RNASE11: variants seen among roughly 807,000 people sequenced by gnomAD.
RNASE11 encodes the protein ribonuclease A family member 11 (inactive).
For synonymous variants in RNASE11, 105 were observed against 86.1 expected (o/e 1.22, Z -1.21); for missense variants, 252 against 237.8 (o/e 1.06, Z -0.39).
upstream of RNASE11, among the ~76,000 whole-genome samples, chr14:20,589,417 C>T (rs1336984832): frequency 6.6e-6 from 1 of 151,798 alleles, no homozygotes; most frequent in Non-Finnish European, 1.5e-5. Flanking sequence ...CCACGCCCGG[C>T]TAATTTTTTG....
chr14:20,587,444 G>T, intron 1 of RNASE11, 119 bp downstream of exon 2: 1 of 359,360 alleles, frequency 2.8e-6, no homozygotes, highest in Non-Finnish European at 3.9e-6. Context: ...ATAGAAAAAG[G>T]AATCAGAATT....
chr14:20,585,402 G>A (rs538110465), intron 1 of RNASE11, among the ~76,000 whole-genome samples: 1 of 152,232 alleles, frequency 6.6e-6, no homozygotes, highest in South Asian at 2.1e-4. Flanking sequence ...CATTTTTCCA[G>A]TTAGTCAATT....
At chr14:20,587,817 T>C, upstream of RNASE11, 2 of 985,494 alleles carry the variant, frequency 2.0e-6, no homozygotes, top group Non-Finnish European at 2.4e-6. Context: ...GCATGGAACT[T>C]GATGGTTACA....
chr14:20,590,182 A>C, upstream of RNASE11: 1 of 1,524,452 alleles, frequency 6.6e-7, no homozygotes, highest in South Asian at 1.3e-5. Flanking sequence ...CTTCCGCTCA[A>C]GGCATTGCCC....
Position 20,585,417 on chromosome 14 carries a change from T to A in RNASE11, c.-22-921A>T, listed in dbSNP as rs1169691285. ...CATTTTTCCAGTTAGTCAATTCATGTTAATCTTTTCTCCCTCTTGTTAGGC... is the reference window on the plus strand; with the variant it reads ...CATTTTTCCAGTTAGTCAATTCATGATAATCTTTTCTCCCTCTTGTTAGGC... On this transcript the variant is annotated intron_variant, in intron 1 of 1. Coordinates refer to ENST00000553849, the Ensembl canonical transcript of RNASE11. Among the ~76,000 whole-genome samples, 3 of 152,346 alleles carry A rather than the reference T, an allele frequency of 2.0e-5. No homozygotes were observed. The East Asian group carries it at 5.8e-4, about 29-fold the overall frequency.
rs577137847 is a variant in RNASE11, at chr14:20,585,595, C to T, written c.-22-1099G>A. Among the ~76,000 whole-genome samples the T allele has an allele frequency of 2.6e-5, 4 of 152,272 alleles. No homozygotes were observed. In the East Asian group the frequency reaches 5.8e-4, roughly 22 times the overall value. On this transcript the variant is annotated intron_variant, in intron 1 of 1. Coordinates refer to ENST00000553849, the Ensembl canonical transcript of RNASE11. ...TATCCACAATTTTGCATTCTTCACT[C>T]CTCCAGTTAGTATAAATAATCAAGA...
upstream of RNASE11, chr14:20,590,245 GA>G: frequency 6.2e-7 from 1 of 1,604,062 alleles, no homozygotes; most frequent in Non-Finnish European, 8.5e-7. Context: ...ATGCCATTGA[GA>G]GAAGAGATCT....
chr14:20,587,377 G>A (rs1390867788), intron 1 of RNASE11, among the ~76,000 whole-genome samples, 186 bp downstream of exon 2: 1 of 152,158 alleles, frequency 6.6e-6, no homozygotes, highest in Admixed American at 6.5e-5. Flanking sequence ...CTTCGGTGAA[G>A]AAGGGGAGAA....
chr14:20,585,620 A>T (rs1306338633), intron 1 of RNASE11, among the ~76,000 whole-genome samples: 2 of 152,232 alleles, frequency 1.3e-5, no homozygotes, highest in Admixed American at 6.5e-5. Flanking sequence ...AATAATCAAG[A>T]GTTTACTATA....
exon 2 of RNASE11, chr14:20,583,863 G>T (rs1428287631): frequency 4.4e-6 from 7 of 1,595,414 alleles, no homozygotes; most frequent in Non-Finnish European, 6.0e-6. Context: ...TAGTCCTAAA[G>T]CTCTGTGGGA....
exon 2 of RNASE11, chr14:20,584,041 A>C (rs1186667377): frequency 1.2e-6 from 2 of 1,614,088 alleles, no homozygotes; most frequent in Non-Finnish European, 1.7e-6. Flanking sequence ...ACAGCAGCTT[A>C]TGCCAGGATT....
At chr14:20,587,266 G>T (rs1467938995) in intron 1 of RNASE11, among the ~76,000 whole-genome samples, 1 of 152,240 alleles carries the variant, frequency 6.6e-6, no homozygotes, top group South Asian at 2.1e-4. Flanking sequence ...TTTGAATTTG[G>T]TGTTGATCCC....
At position 20,584,292 on chromosome 14, in the gene RNASE11, AT is replaced by A; in HGVS notation, c.182del (p.Asn61IlefsTer16). On this transcript the variant is annotated frameshift_variant, in exon 2 of 2. Coordinates refer to ENST00000553849, the Ensembl canonical transcript of RNASE11. LOFTEE classifies it low-confidence loss of function (END_TRUNC). ...CATCCTTGGACATGCTGAGGCTGGT[AT>A]TTTTAACTAACAGGATCGGGTTCAT... The A allele has an allele frequency of 6.2e-7, 1 of 1,614,130 alleles. No homozygotes were observed. The highest frequency in any genetic ancestry group is 8.5e-7 in the Non-Finnish European group (1 of 1,180,008).
chr14:20,589,034 G>A (rs575143397), upstream of RNASE11, among the ~76,000 whole-genome samples: 74 of 152,266 alleles, frequency 4.9e-4, no homozygotes, highest in African/African-American at 1.8e-3. Flanking sequence ...TGTTCCACCT[G>A]CCTCAGCCTC....
exon 2 of RNASE11, chr14:20,584,481 T>G: frequency 6.3e-7 from 1 of 1,574,822 alleles, no homozygotes; most frequent in Non-Finnish European, 8.6e-7. Context: ...CCATCTCAGA[T>G]GTAGTGTAAT....
downstream of RNASE11, chr14:20,583,379 G>A (rs1247932595): frequency 6.5e-6 from 1 of 154,628 alleles, no homozygotes; most frequent in Non-Finnish European, 1.4e-5. Flanking sequence ...GGCATTTCCT[G>A]AAGGACAGGC....
rs540999330 is a variant in RNASE11 at position 20,587,527 on chromosome 14, C to T, written c.-23+36G>A. On this transcript the variant is annotated intron_variant, in intron 1 of 1. Coordinates refer to ENST00000553849, the Ensembl canonical transcript of RNASE11. The stretch of plus-strand genomic sequence containing the variant: ...AGTTTTGCCCAAAAAATGATGCTAC[C>T]AAGGCCCAACAAATCATGTGCTAGG... 44 of 980,860 alleles carry T rather than the reference C, an allele frequency of 4.5e-5. No homozygotes were observed. The Admixed American group carries it at 2.2e-3, about 49-fold the overall frequency. 60.8% of individuals were successfully genotyped at this position (980,860 alleles called of 1,614,324 possible). A position where few individuals can be genotyped will look rare whatever the true frequency, so the allele number is the denominator to read the frequency against.
rs1566561830 is a variant in RNASE11, at chr14:20,584,202, C to CG, written c.272dup (p.Asn93Ter). The CG allele has an allele frequency of 2.5e-6, 4 of 1,614,162 alleles. No individual in the cohort carries two copies. The South Asian group carries it at 4.4e-5, about 18-fold the overall frequency. On this transcript the variant is annotated frameshift_variant, in exon 2 of 2. Transcript: ENST00000553849. LOFTEE classifies it low-confidence loss of function (END_TRUNC). ...CATTGCAACACTCTTTGTCATTACC[C>CG]GAACTGTTTCCCTTGGGGTCATTAT...
chr14:20,584,101 G>C (rs776655516), exon 2 of RNASE11: 2 of 1,614,032 alleles, frequency 1.2e-6, no homozygotes, highest in Admixed American at 1.7e-5. Flanking sequence ...CATCACTTCT[G>C]TGGAGCTGCG....
Sources: gnomAD v4.1 joint callset for allele counts (sites outside exome capture counted in the v4.1 genomes callset) on GRCh38, gnomAD v4.1.1 for gene constraint, MANE v1.5 for transcripts, NCBI Gene and HGNC (gene_info 2026-07-23, HGNC 2026-07-21) for gene names.